GABRB2: variants seen among roughly 807,000 people sequenced by gnomAD.
GABRB2 encodes gamma-aminobutyric acid receptor subunit beta-2.
Under a neutral mutation model 54.7 loss-of-function variants are expected in GABRB2, and 16 were observed. The observed-to-expected ratio is 0.29, with a 90% CI of 0.20 to 0.44. The LOEUF (loss-of-function observed/expected upper bound fraction) is 0.44. Among genes scored for constraint, GABRB2 ranks in the 20% least tolerant of loss-of-function variants. GABRB2 has a pLI of 1.00. For missense variants in GABRB2, 355 were observed against 644.0 expected (o/e 0.55, Z 4.86); for synonymous variants, 244 against 233.8 (o/e 1.04, Z -0.40).
intron 9 of GABRB2, among the ~76,000 whole-genome samples, chr5:161,304,971 G>A (rs1757641522): frequency 6.7e-6 from 1 of 150,368 alleles, no homozygotes; most frequent in African/African-American, 2.4e-5. Flanking sequence ...AGAAGGAAAA[G>A]GGGAAGAAAA....
intron 5 of GABRB2, among the ~76,000 whole-genome samples, chr5:161,342,183 G>A (rs1197196029): frequency 6.6e-6 from 1 of 151,618 alleles, no homozygotes; most frequent in Non-Finnish European, 1.5e-5. Flanking sequence ...TATTGCGATA[G>A]TTCACACTAG....
At chr5:161,322,323 C>T (rs1758235748) in intron 9 of GABRB2, among the ~76,000 whole-genome samples, 2 of 152,160 alleles carry the variant, frequency 1.3e-5, no homozygotes, top group Admixed American at 1.3e-4. Context: ...GCAACCTCCA[C>T]CTTCGAGGCT....
intron 9 of GABRB2, among the ~76,000 whole-genome samples, chr5:161,299,167 C>T (rs556293088): frequency 2.2e-4 from 33 of 152,158 alleles, no homozygotes; most frequent in Admixed American, 3.3e-4. Flanking sequence ...AACTGCAGCA[C>T]TTGCAAGTAA....
chr5:161,396,732 T>C (rs576396294), intron 5 of GABRB2, among the ~76,000 whole-genome samples: 2 of 152,198 alleles, frequency 1.3e-5, no homozygotes, highest in Non-Finnish European at 2.9e-5. Context: ...TATATCAAAA[T>C]ATCACATTGT....
chr5:161,415,703 A>C (rs3111049), intron 4 of GABRB2, among the ~76,000 whole-genome samples: 132,659 of 151,938 alleles, frequency 0.87, 57,903 homozygotes, highest in East Asian at 0.97. Context: ...ACCTCCACCC[A>C]CTGGGTTCAA....
At chr5:161,529,125 T>C (rs937888582) in intron 3 of GABRB2, among the ~76,000 whole-genome samples, 2 of 151,974 alleles carry the variant, frequency 1.3e-5, no homozygotes, top group Non-Finnish European at 2.9e-5. Context: ...TAATGAAAGA[T>C]GATTTACAAC....
intron 3 of GABRB2, among the ~76,000 whole-genome samples, chr5:161,486,258 A>G (rs1053336939): frequency 6.6e-6 from 1 of 151,978 alleles, no homozygotes; most frequent in African/African-American, 2.4e-5. Flanking sequence ...ATATTTCTCA[A>G]ACATCCACCC....
intron 3 of GABRB2, among the ~76,000 whole-genome samples, chr5:161,542,954 A>C (rs1387344142): frequency 6.6e-6 from 1 of 152,238 alleles, no homozygotes; most frequent in East Asian, 1.9e-4. Flanking sequence ...TTAAAAAATA[A>C]AACAAACATC....
Position 161,445,332 on chromosome 5 carries a change from T to C in GABRB2, c.458+14292A>G, listed in dbSNP as rs369599631. On this transcript the variant is annotated intron_variant, in intron 4 of 9. Coordinates refer to ENST00000393959, the MANE Select transcript of GABRB2 (RefSeq NM_001371727.1). ...CAAGCACAGGAGTTTGTTCTGCCAT[T>C]AGGACTACTGTATTTTCATTCTTTC... Among the ~76,000 whole-genome samples, 32 of 152,284 alleles carry C rather than the reference T, an allele frequency of 2.1e-4. 1 individual carries two copies. Among genetic ancestry groups the C allele is most frequent in the African/African-American group, 7.2e-4 (30 of 41,568 alleles).
chr5:161,455,747 G>C (rs1318859333), intron 4 of GABRB2, among the ~76,000 whole-genome samples: 3 of 151,760 alleles, frequency 2.0e-5, no homozygotes, highest in African/African-American at 7.3e-5. Context: ...TGCCCAGGCT[G>C]GTCCTGAACT....
intron 3 of GABRB2, among the ~76,000 whole-genome samples, chr5:161,472,896 T>C (rs777861960): frequency 3.3e-5 from 5 of 151,926 alleles, no homozygotes; most frequent in Admixed American, 6.6e-5. Context: ...AAATTAACTT[T>C]TTTTTCAGTT....
Position 161,380,756 on chromosome 5 carries a change from C to G in GABRB2, c.541+30219G>C, listed in dbSNP as rs150422621. Among the ~76,000 whole-genome samples the G allele has an allele frequency of 1.1e-3, 173 of 152,016 alleles. 1 individual carries two copies. Among genetic ancestry groups the G allele is most frequent in the African/African-American group, 4.0e-3 (164 of 41,458 alleles). On this transcript the variant is annotated intron_variant, in intron 5 of 9. Transcript: ENST00000393959. The stretch of plus-strand genomic sequence containing the variant: ...TGCTGCAAAGACAAGGGTGAGCACA[C>G]ACTTACATGGAGCCAGAATGAAAGA...
chr5:161,316,957 T>A (rs963268031), intron 9 of GABRB2, among the ~76,000 whole-genome samples: 1 of 152,184 alleles, frequency 6.6e-6, no homozygotes, highest in Admixed American at 6.5e-5. Context: ...TTTAATGTGC[T>A]ATTTACATGG....
chr5:161,499,257 C>T (rs769620901), intron 3 of GABRB2, among the ~76,000 whole-genome samples: 5 of 152,146 alleles, frequency 3.3e-5, no homozygotes, highest in Admixed American at 6.6e-5. Context: ...TTATTTCTCT[C>T]TCTTATTTGA....
chr5:161,478,332 A>T (rs958232434), intron 3 of GABRB2, among the ~76,000 whole-genome samples: 1 of 152,068 alleles, frequency 6.6e-6, no homozygotes, highest in African/African-American at 2.4e-5. Context: ...AAGGTTGCAT[A>T]CATATTACCA....
intron 3 of GABRB2, among the ~76,000 whole-genome samples, chr5:161,542,087 T>C (rs1048255215): frequency 6.6e-6 from 1 of 152,170 alleles, no homozygotes; most frequent in African/African-American, 2.4e-5. Flanking sequence ...GATGACCCAT[T>C]GGTGGAACTG....
chr5:161,487,232 T>C (rs1758953358), intron 3 of GABRB2, among the ~76,000 whole-genome samples: 1 of 151,972 alleles, frequency 6.6e-6, no homozygotes, highest in African/African-American at 2.4e-5. Flanking sequence ...TTTGGTATTT[T>C]TTAGCTCATT....
At chr5:161,459,200 G>A (rs1372874643) in intron 4 of GABRB2, 2 of 182,124 alleles carry the variant, frequency 1.1e-5, no homozygotes, top group Admixed American at 5.5e-5. Flanking sequence ...AAGGTAAGAG[G>A]TCACAATAAG....
At chr5:161,498,830 ACTTGTTGGTTCCTTG>A (rs1305347754) in intron 3 of GABRB2, among the ~76,000 whole-genome samples, 2 of 152,112 alleles carry the variant, frequency 1.3e-5, no homozygotes, top group African/African-American at 4.8e-5. Flanking sequence ...ATGTGCACAG[ACTTGTTGGTTCCTTG>A]CTTCTTGCTC....
Sources: gnomAD v4.1 joint callset for allele counts (sites outside exome capture counted in the v4.1 genomes callset) on GRCh38, gnomAD v4.1.1 for gene constraint, MANE v1.5 for transcripts, NCBI Gene and HGNC (gene_info 2026-07-23, HGNC 2026-07-21) for gene names.